The following DOCK2 variants were observed in gnomAD, a reference collection of about 807,000 sequenced individuals.
DOCK2 encodes the protein dedicator of cytokinesis 2, also known as dedicator of cytokinesis protein 2.
A neutral mutation model predicts 248.9 loss-of-function variants in DOCK2; 87 were observed. The observed-to-expected ratio is 0.35, with a 90% CI of 0.29 to 0.42. The LOEUF is 0.42. DOCK2 is among the 10% of genes least tolerant of loss of function. DOCK2 has a pLI of 1.00. For missense variants in DOCK2, 1,747 were observed against 2,300.2 expected, an observed-to-expected ratio of 0.76 and a Z score of 4.92; for synonymous variants, 805 against 821.6, an observed-to-expected ratio of 0.98 and a Z score of 0.35.
intron 30 of DOCK2, among the ~76,000 whole-genome samples, chr5:170,008,018 C>T (rs1481599220): frequency 6.6e-6 from 1 of 152,110 alleles, no homozygotes; most frequent in Non-Finnish European, 1.5e-5. Context: ...GAATGGATTG[C>T]AGTTTGGTCC....
At chr5:169,808,433 A>G (rs1114034) in intron 26 of DOCK2, among the ~76,000 whole-genome samples, 41,352 of 151,880 alleles carry the variant, frequency 0.27, 5,631 homozygotes, top group Admixed American at 0.3. Flanking sequence ...GGTAGGACTC[A>G]GGGGGAGATG....
intron 22 of DOCK2, among the ~76,000 whole-genome samples, chr5:169,738,622 A>G (rs1763160464): frequency 1.3e-5 from 2 of 152,324 alleles, no homozygotes; most frequent in South Asian, 4.1e-4. Flanking sequence ...GTTCATTTTC[A>G]ACTCAGGTGC....
intron 1 of DOCK2, among the ~76,000 whole-genome samples, chr5:169,639,646 C>T (rs1331932863): frequency 6.6e-6 from 1 of 152,180 alleles, no homozygotes; most frequent in African/African-American, 2.4e-5. Context: ...CATGGCTTTT[C>T]CCTTTAAAGA....
chr5:169,826,421 G>C (rs926363543), intron 26 of DOCK2, among the ~76,000 whole-genome samples: 2 of 152,126 alleles, frequency 1.3e-5, no homozygotes, highest in Non-Finnish European at 2.9e-5. Context: ...CTCATCTCTG[G>C]GGGGGACGAG....
intron 36 of DOCK2, among the ~76,000 whole-genome samples, chr5:170,038,560 C>T (rs1050564280): frequency 5.9e-5 from 9 of 152,298 alleles, no homozygotes; most frequent in Middle Eastern, 6.8e-3. Flanking sequence ...CCTATTCTGA[C>T]GACTGTTAGC....
chr5:169,836,886 A>G (rs780946326), intron 26 of DOCK2, among the ~76,000 whole-genome samples: 22 of 152,250 alleles, frequency 1.4e-4, no homozygotes, highest in Non-Finnish European at 2.9e-4. Context: ...GTGTTATGAA[A>G]TGCTTTGTCT....
intron 27 of DOCK2, among the ~76,000 whole-genome samples, chr5:169,939,505 C>G (rs185760790): frequency 9.9e-5 from 15 of 152,220 alleles, no homozygotes; most frequent in South Asian, 2.1e-4. Flanking sequence ...AATACATAAA[C>G]CAGTAACAGT....
In DOCK2 at chr5:169,700,022, G is replaced by A. The variant is rs2113461481; in HGVS notation, c.1141G>A (p.Val381Met). The A allele has an allele frequency of 6.2e-7, 1 of 1,613,826 alleles. No individual in the cohort carries two copies. The highest frequency in any genetic ancestry group is 8.5e-7 in the Non-Finnish European group (1 of 1,179,786). The change falls in exon 13 of 52, where the codon GTG becomes ATG. Residue 381 changes from valine to methionine, a missense_variant. By Grantham distance (21) the Val-to-Met change is conservative. Around this residue, in one of 4 missense-constraint regions of DOCK2, gnomAD observed 375 missense variants for 510.9 expected, o/e 0.73. Transcript: ENST00000520908. ...KGDSGGQGLW[V>M]TMKMLVGDII... is the part of the protein sequence containing the mutation. ...GAGCTGTTCCTTTGCAGGCCTCTGGGTGACCATGAAGATGCTGGTGGGTGA... is the reference window on the plus strand; with the variant it reads ...GAGCTGTTCCTTTGCAGGCCTCTGGATGACCATGAAGATGCTGGTGGGTGA...
chr5:169,964,024 G>A (rs1050500710), intron 27 of DOCK2, among the ~76,000 whole-genome samples: 1 of 152,100 alleles, frequency 6.6e-6, no homozygotes, highest in African/African-American at 2.4e-5. Context: ...TGGCAGGATT[G>A]GGGGAGGGAG....
intron 27 of DOCK2, among the ~76,000 whole-genome samples, chr5:169,923,307 T>C (rs1775274177): frequency 6.6e-6 from 1 of 152,252 alleles, no homozygotes; most frequent in Non-Finnish European, 1.5e-5. Context: ...TTCTTTGTAC[T>C]TTCATATATT....
chr5:170,080,308 T>C, intron 50 of DOCK2, 25 bp downstream of exon 50: 1 of 1,613,650 alleles, frequency 6.2e-7, no homozygotes, highest in East Asian at 2.2e-5. Flanking sequence ...GCCACCAGCA[T>C]GAGGGAGTAG....
At chr5:169,976,305 T>A (rs974566256) in intron 27 of DOCK2, among the ~76,000 whole-genome samples, 2 of 152,218 alleles carry the variant, frequency 1.3e-5, no homozygotes, top group Admixed American at 1.3e-4. Context: ...TTAGGTCCTA[T>A]GTCACCATAT....
rs138313350 is a variant in DOCK2, at chr5:170,007,862, C to T, written c.3073-635C>T. On this transcript the variant is annotated intron_variant, in intron 30 of 51. Transcript: ENST00000520908. ...TTAACCTGCAGATTTCTAGGTCCCA[C>T]CCCCAGAGGTTCTGATTCAGTAGGT... Among the ~76,000 whole-genome samples, 84 of 152,282 alleles carry T rather than the reference C, an allele frequency of 5.5e-4. 2 individuals carry two copies. In the East Asian group the frequency reaches 0.015, roughly 28 times the overall value.
chr5:169,996,005 G>A (rs1754616945), intron 29 of DOCK2, 81 bp from the exon 30 acceptor site: 1 of 1,481,216 alleles, frequency 6.8e-7, no homozygotes, highest in Non-Finnish European at 9.2e-7. Flanking sequence ...AAGAGGGTAA[G>A]GGAATTTTAG....
intron 25 of DOCK2, among the ~76,000 whole-genome samples, chr5:169,772,647 CTA>C (rs1305228433): frequency 2.6e-5 from 4 of 152,184 alleles, no homozygotes; most frequent in Non-Finnish European, 2.9e-5. Context: ...CAATGAAAAT[CTA>C]TGTTTTAAAA....
At chr5:169,708,568 CTT>C (rs35842616) in intron 15 of DOCK2, among the ~76,000 whole-genome samples, 7 of 144,244 alleles carry the variant, frequency 4.9e-5, no homozygotes, top group Non-Finnish European at 7.6e-5. Context: ...TAGCATTCTT[CTT>C]TTTTTTTTTT....
At chr5:169,770,290 C>CTTTTTT (rs60938799) in intron 25 of DOCK2, among the ~76,000 whole-genome samples, 6 of 101,630 alleles carry the variant, frequency 5.9e-5, no homozygotes, top group Non-Finnish European at 9.5e-5. Context: ...ATTCTTGAGT[C>CTTTTTT]TTTTTTTTTT....
intron 27 of DOCK2, among the ~76,000 whole-genome samples, chr5:169,914,863 A>G (rs923923538): frequency 6.6e-6 from 1 of 152,244 alleles, no homozygotes; most frequent in Admixed American, 6.5e-5. Context: ...TAAATGATCT[A>G]CAAAGTCCCT....
chr5:169,897,534 T>C (rs2113564591), intron 27 of DOCK2, among the ~76,000 whole-genome samples: 1 of 152,244 alleles, frequency 6.6e-6, no homozygotes, highest in Middle Eastern at 3.4e-3. Flanking sequence ...CGGAAAGACA[T>C]GATGGTCCCT....
Sources: gnomAD v4.1 joint callset for allele counts (sites outside exome capture counted in the v4.1 genomes callset) on GRCh38, gnomAD v4.1.1 for gene constraint, gnomAD v4.1.1 regional missense constraint, MANE v1.5 for transcripts, NCBI Gene and HGNC (gene_info 2026-07-23, HGNC 2026-07-21) for gene names.